GCSAM: variants seen among roughly 807,000 people sequenced by gnomAD.
The protein encoded by GCSAM is germinal center associated signaling and motility.
Under a neutral mutation model 17.6 loss-of-function variants are expected in GCSAM, and 8 were observed. The ratio of observed to expected loss-of-function variants is 0.46; its 90% CI spans 0.27 to 0.82. The LOEUF is 0.82. Among genes scored for constraint, GCSAM ranks in the 40% least tolerant of loss-of-function variants. The pLI is 0.15. For synonymous variants in GCSAM, 68 were observed against 69.0 expected, an observed-to-expected ratio of 0.98 and a Z score of 0.07; for missense variants, 192 against 213.5, an observed-to-expected ratio of 0.90 and a Z score of 0.63.
At chr3:112,131,303 C>CTG (rs1192452144) in intron 1 of GCSAM, among the ~76,000 whole-genome samples, 14 of 152,152 alleles carry the variant, frequency 9.2e-5, no homozygotes, top group African/African-American at 3.4e-4. Context: ...GAGCTCCTCT[C>CTG]ATGAAGGGAT....
chr3:112,130,030 C>T (rs1398073472), intron 2 of GCSAM: 1 of 173,828 alleles, frequency 5.8e-6, no homozygotes, highest in African/African-American at 2.4e-5. Flanking sequence ...AATGGTGTCT[C>T]CACAAACTTT....
chr3:112,125,289 T>C, intron 4 of GCSAM, 35 bp from the exon 5 acceptor site: 1 of 1,486,874 alleles, frequency 6.7e-7, no homozygotes, highest in Non-Finnish European at 9.4e-7. Context: ...GAATTTCAGG[T>C]TATGGGGAGA....
intron 3 of GCSAM, among the ~76,000 whole-genome samples, 182 bp from the exon 4 acceptor site, chr3:112,127,215 T>C (rs967976933): frequency 6.6e-6 from 1 of 152,174 alleles, no homozygotes; most frequent in Non-Finnish European, 1.5e-5. Flanking sequence ...AATAGAAATA[T>C]ATTCCTTTGT....
At chr3:112,128,953 C>G (rs937116239) in intron 2 of GCSAM, 8 of 152,220 alleles carry the variant, frequency 5.3e-5, no homozygotes, top group African/African-American at 1.7e-4. Flanking sequence ...CGTGAGCTTT[C>G]CCATGAAGTT....
intron 2 of GCSAM, 59 bp downstream of exon 2, chr3:112,130,386 G>T: frequency 7.3e-7 from 1 of 1,375,808 alleles, no homozygotes; most frequent in Non-Finnish European, 1.0e-6. Context: ...TCCAGGGCTT[G>T]ACATACTTCG....
chr3:112,124,954 G>A (rs747497820), intron 5 of GCSAM, among the ~76,000 whole-genome samples: 4 of 152,206 alleles, frequency 2.6e-5, no homozygotes, highest in Non-Finnish European at 5.9e-5. Flanking sequence ...TTAGCTACAT[G>A]AGTTGATGTG....
chr3:112,126,962 A>G (rs760373514), intron 4 of GCSAM, 25 bp downstream of exon 4: 2 of 1,507,032 alleles, frequency 1.3e-6, no homozygotes, highest in South Asian at 2.3e-5. Context: ...TCAAAAGTGA[A>G]AATACTAGGA....
intron 1 of GCSAM, chr3:112,132,824 T>G: frequency 2.5e-6 from 1 of 404,170 alleles, no homozygotes; most frequent in Non-Finnish European, 4.1e-6. Flanking sequence ...TGGTAACCTA[T>G]TATATAGACC....
At chr3:112,132,942 G>T in intron 1 of GCSAM, 150 bp downstream of exon 1, 1 of 750,132 alleles carries the variant, frequency 1.3e-6, no homozygotes. Context: ...ATCTGGCACA[G>T]AGTAGGCACT....
Position 112,127,043 on chromosome 3 carries a change from AAAAGC to A in GCSAM, c.144-15_144-11del, listed in dbSNP as rs766329907. 1 of 1,556,564 alleles carries A rather than the reference AAAAGC, an allele frequency of 6.4e-7. No homozygotes were observed. Among genetic ancestry groups the A allele is most frequent in the South Asian group, 1.1e-5 (1 of 87,566 alleles). Reference sequence around the variant, plus strand: ...AATGAGTATTTTTTTCCTGTAAAAGAAAAGCAAAGCAAATTGTTTTAATATTCAGA... The same window carrying A: ...AATGAGTATTTTTTTCCTGTAAAAGAAAAGCAAATTGTTTTAATATTCAGA... On this transcript the variant is annotated splice_polypyrimidine_tract_variant and intron_variant, in intron 3 of 5. Coordinates refer to ENST00000308910, the MANE Select transcript of GCSAM (RefSeq NM_152785.5).
At chr3:112,124,337 G>A (rs929387555) in intron 5 of GCSAM, among the ~76,000 whole-genome samples, 1 of 152,170 alleles carries the variant, frequency 6.6e-6, no homozygotes. Flanking sequence ...GGCTGGGCAC[G>A]GTGGCTCACA....
At chr3:112,127,918 C>T in intron 3 of GCSAM, 99 bp downstream of exon 3, 2 of 949,828 alleles carry the variant, frequency 2.1e-6, no homozygotes, top group East Asian at 2.5e-5. Flanking sequence ...TACTGACAGG[C>T]TTCCACTGTG....
rs779755453 is a variant in GCSAM at position 112,130,539 on chromosome 3, G to A, written c.30-26C>T. ...CTGAAACTCAACATATCAGAAACAG[G>A]CTAAGTATTTCCTAAACAGGCCTGT... On this transcript the variant is annotated intron_variant, in intron 1 of 5. Coordinates refer to ENST00000308910, the MANE Select transcript of GCSAM (RefSeq NM_152785.5). 7.9e-5 allele frequency: 127 copies of A among 1,603,842 alleles called. 1 individual carries two copies. In the Admixed American group the frequency reaches 2.1e-3, roughly 27 times the overall value.
At chr3:112,127,641 G>A (rs2074357649) in intron 3 of GCSAM, among the ~76,000 whole-genome samples, 1 of 152,108 alleles carries the variant, frequency 6.6e-6, no homozygotes, top group South Asian at 2.1e-4. Context: ...ACTCTCAAAG[G>A]TATCTTAGTT....
At position 112,123,661 on chromosome 3, in the gene GCSAM, G is replaced by C. The variant is rs145303774; in HGVS notation, c.331C>G (p.Pro111Ala). 1.7e-3 allele frequency: 2,680 copies of C among 1,614,104 alleles called. 45 individuals are homozygous for C. Among genetic ancestry groups the C allele is most frequent in the Non-Finnish European group, 3.3e-4 (389 of 1,180,002 alleles). ...NSAEEYYENV[P>A]CKAERPRESL... ...TCTCTGGGTCTCTCAGCTTTGCAGG[G>C]AACATTCTCATAGTACTCTTCAGCA... The change falls in exon 6 of 6, where the codon CCC becomes GCC. Residue 111 changes from proline to alanine, a missense_variant. By Grantham distance (27) the Pro-to-Ala change is conservative. Coordinates refer to ENST00000308910, the MANE Select transcript of GCSAM (RefSeq NM_152785.5).
chr3:112,133,093 T>A lies in GCSAM; in HGVS notation c.28A>T (p.Arg10Trp). ...CTCCCACAGGGAGTCTAGACTTACC[T>A]GTTTTCTCTCAGCAGAGAATTTCCC... MGNSLLREN[R>W]RQQNTQEMPW... is the part of the protein sequence containing the mutation. Residue 10 changes from arginine (R) to tryptophan (W), a missense_variant and splice_region_variant, in exon 1 of 6, where the codon AGG (arginine) becomes TGG (tryptophan). Coordinates refer to ENST00000308910, the MANE Select transcript of GCSAM (RefSeq NM_152785.5). 6.2e-7 allele frequency: 1 copy of A among 1,613,774 alleles called. No homozygotes were observed. The highest frequency in any genetic ancestry group is 8.5e-7 in the Non-Finnish European group (1 of 1,179,634).
chr3:112,128,082 G>A (rs1263827611), intron 2 of GCSAM, 21 bp from the exon 3 acceptor site: 1 of 1,610,190 alleles, frequency 6.2e-7, no homozygotes, highest in African/African-American at 1.3e-5. Flanking sequence ...CAAGAGAGAT[G>A]GCAAATCATA....
Position 112,122,098 on chromosome 3 carries a change from A to G in GCSAM, c.*1357T>C, listed in dbSNP as rs905590331. The stretch of plus-strand genomic sequence containing the variant: ...GAATTTGCTAAATTGCCTTGGTCTC[A>G]CTTATCCATTTGTGATTTAATATTT... On this transcript the variant is annotated 3_prime_UTR_variant, in exon 6 of 6. Transcript: ENST00000308910. 6.6e-6 allele frequency: 1 copy of G among 152,232 alleles called. No homozygotes were observed. Among genetic ancestry groups the G allele is most frequent in the African/African-American group, 2.4e-5 (1 of 41,456 alleles). 9.4% of individuals were successfully genotyped at this position (152,232 alleles called of 1,614,324 possible). A position where few individuals can be genotyped will look rare whatever the true frequency, so the allele number is the denominator to read the frequency against.
In GCSAM at chr3:112,121,908, G is replaced by T. The variant is rs965473217; in HGVS notation, c.*1547C>A. Reference sequence around the variant, plus strand: ...AACATAATGTACCAGGTTCCCTGTCGCTTAGCTGGTCCAAGGGCCTGTCTA... The same window carrying T: ...AACATAATGTACCAGGTTCCCTGTCTCTTAGCTGGTCCAAGGGCCTGTCTA... On this transcript the variant is annotated 3_prime_UTR_variant, in exon 6 of 6. Coordinates refer to ENST00000308910, the MANE Select transcript of GCSAM (RefSeq NM_152785.5). 1 of 152,144 alleles carries T rather than the reference G, an allele frequency of 6.6e-6. No homozygotes were observed. Among genetic ancestry groups the T allele is most frequent in the African/African-American group, 2.4e-5 (1 of 41,432 alleles). The allele number at this position is 152,144 out of a possible 1,614,324, so 9.4% of individuals were successfully genotyped here.
Sources: allele counts gnomAD v4.1 joint callset (sites outside exome capture counted in the v4.1 genomes callset), GRCh38; gene constraint gnomAD v4.1.1; transcripts MANE v1.5; gene names NCBI Gene and HGNC (gene_info 2026-07-23, HGNC 2026-07-21).